The following PPP1R1C variants were observed in gnomAD, a reference collection of about 807,000 sequenced individuals.
PPP1R1C encodes protein phosphatase 1 regulatory subunit 1C.
PPP1R1C carries 15 observed loss-of-function variants against 17.4 expected under a neutral mutation model. The observed-to-expected ratio is 0.86, with a 90% CI of 0.58 to 1.33. The LOEUF (loss-of-function observed/expected upper bound fraction) is 1.33. Ranked by LOEUF, PPP1R1C falls within the 40% of genes most tolerant of loss-of-function variation. The pLI is 0.00. For missense variants in PPP1R1C, 143 were observed against 130.0 expected, an observed-to-expected ratio of 1.10 and a Z score of -0.48; for synonymous variants, 35 against 43.1, an observed-to-expected ratio of 0.81 and a Z score of 0.73.
At chr2:182,061,625 G>A in intron 3 of PPP1R1C, 146 bp downstream of exon 3, 1 of 466,668 alleles carries the variant, frequency 2.1e-6, no homozygotes, top group Non-Finnish European at 3.8e-6. Context: ...GTAATATAGT[G>A]TCATTAAAAT....
Position 181,976,267 on chromosome 2 carries a change from T to C in PPP1R1C, n.157+1003T>C, listed in dbSNP as rs909419881. Among the ~76,000 whole-genome samples, 29 of 152,076 alleles carry C rather than the reference T, an allele frequency of 1.9e-4. No homozygotes were observed. Among genetic ancestry groups the C allele is most frequent in the African/African-American group, 6.8e-4 (28 of 41,420 alleles). On this transcript the variant is annotated intron_variant and non_coding_transcript_variant, in intron 2 of 5. Transcript: ENST00000464264. The surrounding 1 kb of genome is among the most constrained non-coding windows in gnomAD (Gnocchi z 4.8). ...GAGTACATGCATGTGTATATATGGA[T>C]ACAAATCTATAATGAAATTATACTA...
chr2:182,044,986 GAT>G (rs1687300199), intron 2 of PPP1R1C, among the ~76,000 whole-genome samples: 1 of 152,084 alleles, frequency 6.6e-6, no homozygotes, highest in Non-Finnish European at 1.5e-5. Context: ...TCTATCTATA[GAT>G]ATATGTATAT....
chr2:182,047,059 C>T (rs1687369181), intron 2 of PPP1R1C, among the ~76,000 whole-genome samples: 1 of 152,128 alleles, frequency 6.6e-6, no homozygotes, highest in Non-Finnish European at 1.5e-5. Flanking sequence ...CCTCTCAGAA[C>T]CATCTTTAAA....
chr2:181,962,522 C>T lies in PPP1R1C; in HGVS notation n.111+7888C>T, dbSNP rs964273908. On this transcript the variant is annotated intron_variant and non_coding_transcript_variant, in intron 1 of 5. Coordinates refer to the PPP1R1C transcript ENST00000464264. The surrounding 1 kb of genome is among the most constrained non-coding windows in gnomAD (Gnocchi z 6.0). ...TGAGAGGACAGGACTCAGGCTTTGCCGACCCGTCATAGCAGTTTTCTAAGG... is the reference window on the plus strand; with the variant it reads ...TGAGAGGACAGGACTCAGGCTTTGCTGACCCGTCATAGCAGTTTTCTAAGG... 1.6e-5 allele frequency: 10 copies of T among 625,366 alleles called. No homozygotes were observed. Among genetic ancestry groups the T allele is most frequent in the Middle Eastern group, 4.8e-4 (1 of 2,100 alleles). The allele number at this position is 625,366 out of a possible 1,614,324, so 38.7% of individuals were successfully genotyped here. A position where few individuals can be genotyped will look rare whatever the true frequency, so the allele number is the denominator to read the frequency against.
At chr2:181,960,051 G>A (rs1684739553) in intron 1 of PPP1R1C, among the ~76,000 whole-genome samples, 2 of 152,114 alleles carry the variant, frequency 1.3e-5, no homozygotes. Context: ...CAAAATAAAA[G>A]GTAAATATTG....
intron 2 of PPP1R1C, among the ~76,000 whole-genome samples, chr2:182,005,661 TA>T (rs1685898535): frequency 6.6e-6 from 1 of 152,234 alleles, no homozygotes; most frequent in African/African-American, 2.4e-5. Flanking sequence ...TTGTGTTATT[TA>T]TACAATTATT....
chr2:182,079,782 C>T (rs969897610), intron 4 of PPP1R1C, among the ~76,000 whole-genome samples: 1 of 152,192 alleles, frequency 6.6e-6, no homozygotes, highest in African/African-American at 2.4e-5. Context: ...TTCCTTGCCT[C>T]TTCCAGTTTC....
chr2:182,083,375 T>G (rs1295360064), intron 4 of PPP1R1C, among the ~76,000 whole-genome samples: 1 of 152,174 alleles, frequency 6.6e-6, no homozygotes, highest in African/African-American at 2.4e-5. Flanking sequence ...TTGTAACTGA[T>G]ATGTAGTTTT....
At chr2:182,043,033 A>T (rs1328268267) in intron 2 of PPP1R1C, among the ~76,000 whole-genome samples, 1 of 152,262 alleles carries the variant, frequency 6.6e-6, no homozygotes, top group African/African-American at 2.4e-5. Context: ...AACTGCAAAC[A>T]ATGAGCCACC....
chr2:182,123,136 G>T (rs757285696), intron 5 of PPP1R1C, among the ~76,000 whole-genome samples: 1 of 152,142 alleles, frequency 6.6e-6, no homozygotes, highest in Non-Finnish European at 1.5e-5. Context: ...AGTTTGCTCA[G>T]AATGATGGTT....
chr2:181,963,912 A>G (rs1033632852), intron 1 of PPP1R1C, among the ~76,000 whole-genome samples: 2 of 152,190 alleles, frequency 1.3e-5, no homozygotes, highest in Admixed American at 1.3e-4. Context: ...AACTAGGAGT[A>G]AATGGGGTAT....
rs1689622833 is a variant in PPP1R1C at position 182,117,453 on chromosome 2, T to G, written c.*158T>G. 2 of 561,960 alleles carry G rather than the reference T, an allele frequency of 3.6e-6. No homozygotes were observed. Among genetic ancestry groups the G allele is most frequent in the African/African-American group, 3.9e-5 (2 of 51,550 alleles). The allele number at this position is 561,960 out of a possible 1,614,324, so 34.8% of individuals were successfully genotyped here. A position where few individuals can be genotyped will look rare whatever the true frequency, so the allele number is the denominator to read the frequency against. On this transcript the variant is annotated 3_prime_UTR_variant, in exon 5 of 5. Transcript: ENST00000682840. ...TGCACATCCTGGAAGTCTCCTTGAC[T>G]GAACTTTAGAACTAAGTACACATTG...
chr2:182,027,819 C>T (rs1172167212), intron 2 of PPP1R1C, among the ~76,000 whole-genome samples: 10 of 145,906 alleles, frequency 6.9e-5, no homozygotes, highest in South Asian at 4.5e-4. Flanking sequence ...TGGTAGAATT[C>T]GGCTGTGAAT....
chr2:182,012,000 C>T (rs939673163), intron 2 of PPP1R1C, among the ~76,000 whole-genome samples: 1 of 151,776 alleles, frequency 6.6e-6, no homozygotes. Flanking sequence ...ATTTCATTTT[C>T]TTTGAATTTG....
At chr2:181,974,312 CTA>C (rs766417148) in intron 1 of PPP1R1C, among the ~76,000 whole-genome samples, 1 of 152,188 alleles carries the variant, frequency 6.6e-6, no homozygotes, top group East Asian at 1.9e-4. Flanking sequence ...TGATATTTAT[CTA>C]TGTTACATAA....
chr2:182,076,187 T>C lies in PPP1R1C; in HGVS notation c.241+12396T>C, dbSNP rs199888186. On this transcript the variant is annotated intron_variant, in intron 4 of 4. Transcript: ENST00000682840. ...ATAAATCAAGGATTTTGAACTTTTTTTTTTCTTTTCTTTTTTTTTTTTTTT... is the reference window on the plus strand; with the variant it reads ...ATAAATCAAGGATTTTGAACTTTTTCTTTTCTTTTCTTTTTTTTTTTTTTT... Among the ~76,000 whole-genome samples the C allele has an allele frequency of 1.2e-3, 155 of 127,878 alleles. 1 individual carries two copies. The East Asian group carries it at 0.021, about 18-fold the overall frequency. 83.9% of individuals were successfully genotyped at this position (127,878 alleles called of 152,430 possible).
At chr2:182,034,487 T>C (rs1574397886) in intron 2 of PPP1R1C, among the ~76,000 whole-genome samples, 1 of 152,064 alleles carries the variant, frequency 6.6e-6, no homozygotes, top group African/African-American at 2.4e-5. Flanking sequence ...AAGAAGGTCA[T>C]TGAGGCTGGA....
downstream of PPP1R1C, among the ~76,000 whole-genome samples, chr2:182,119,964 G>A (rs1689691361): frequency 1.3e-5 from 2 of 152,130 alleles, 1 homozygote; most frequent in South Asian, 4.2e-4. Flanking sequence ...TGGTGTTTTA[G>A]GCATGAAGTC....
At position 181,961,349 on chromosome 2, in the gene PPP1R1C, C is replaced by T. The variant is rs764822658; in HGVS notation, n.111+6715C>T. ...TCATCAAGCAGGCGGTGGTAGGTGG[C>T]GCTCTCAGCCTCCAGCTTGACCTTG... On this transcript the variant is annotated intron_variant and non_coding_transcript_variant, in intron 1 of 5. Transcript: ENST00000464264. The surrounding 1 kb of genome is among the most constrained non-coding windows in gnomAD (Gnocchi z 5.8). 2.2e-5 allele frequency: 16 copies of T among 716,132 alleles called. No individual in the cohort carries two copies. The highest frequency in any genetic ancestry group is 5.9e-5 in the Admixed American group (3 of 51,246). The allele number at this position is 716,132 out of a possible 1,614,324, so 44.4% of individuals were successfully genotyped here. A position where few individuals can be genotyped will look rare whatever the true frequency, so the allele number is the denominator to read the frequency against.
Sources: gnomAD v4.1 joint callset for allele counts (sites outside exome capture counted in the v4.1 genomes callset) on GRCh38, gnomAD v4.1.1 for gene constraint, Gnocchi (gnomAD v3.1) non-coding constraint, MANE v1.5 for transcripts, NCBI Gene and HGNC (gene_info 2026-07-23, HGNC 2026-07-21) for gene names.